P2RY8: variants seen among roughly 807,000 people sequenced by gnomAD.
P2RY8 encodes the protein S-geranylgeranyl-glutathione receptor P2RY8.
Under a neutral mutation model 10.0 loss-of-function variants are expected in P2RY8, and 6 were observed. The observed-to-expected ratio is 0.60, with a 90% CI of 0.33 to 1.19. P2RY8 has a LOEUF of 1.19. P2RY8 is among the 50% of genes most tolerant of loss of function. The pLI, the probability that P2RY8 is intolerant of heterozygous loss-of-function variation, is 0.04. For missense variants in P2RY8, 456 were observed against 542.0 expected (o/e 0.84, Z 1.58); for synonymous variants, 276 against 252.5 (o/e 1.09, Z -0.88).
intron 1 of P2RY8, among the ~76,000 whole-genome samples, chrX:1,522,769 C>T (rs1347761308): frequency 6.6e-6 from 1 of 151,186 alleles, no homozygotes; most frequent in Non-Finnish European, 1.5e-5. Flanking sequence ...AGACTCTGCC[C>T]CTAAAAATAA....
At chrX:1,466,955 A>G (rs774772997) in intron 1 of P2RY8, among the ~76,000 whole-genome samples, 1 of 114,584 alleles carries the variant, frequency 8.7e-6, no homozygotes, top group East Asian at 2.7e-4. Context: ...GGCCCACGTC[A>G]GAGGCTGAGA....
intron 1 of P2RY8, among the ~76,000 whole-genome samples, chrX:1,499,315 G>GC (rs1347132213): frequency 6.6e-6 from 1 of 151,492 alleles, no homozygotes; most frequent in Non-Finnish European, 1.5e-5. Flanking sequence ...CGAGGTGTGT[G>GC]CCACCACGCC....
chrX:1,507,510 C>T lies in P2RY8; in HGVS notation c.-25+29411G>A, dbSNP rs189007944. On this transcript the variant is annotated intron_variant, in intron 1 of 1. Transcript: ENST00000381297. ...AGCTGTCGCTCATATCCCCGGTGACCGCCGACGGTGGTTCGGAGCTGGGGT... is the reference window on the plus strand; with the variant it reads ...AGCTGTCGCTCATATCCCCGGTGACTGCCGACGGTGGTTCGGAGCTGGGGT... Among the ~76,000 whole-genome samples, 291 of 152,260 alleles carry T rather than the reference C, an allele frequency of 1.9e-3. 2 individuals carry two copies. Among genetic ancestry groups the T allele is most frequent in the African/African-American group, 6.8e-3 (281 of 41,542 alleles).
chrX:1,493,421 GA>G (rs776831701), intron 1 of P2RY8, among the ~76,000 whole-genome samples: 15,649 of 48,038 alleles, frequency 0.33, 2,188 homozygotes, highest in Non-Finnish European at 0.42. Context: ...GAGGAAGGAG[GA>G]AGGAGGAGGG....
At chrX:1,489,253 G>A (rs1368002594) in intron 1 of P2RY8, among the ~76,000 whole-genome samples, 6 of 152,040 alleles carry the variant, frequency 3.9e-5, no homozygotes, top group African/African-American at 1.5e-4. Context: ...CAAATGTGGA[G>A]GGAATGAATG....
intron 1 of P2RY8, among the ~76,000 whole-genome samples, chrX:1,524,644 T>TGC (rs1322943773): frequency 6.8e-5 from 3 of 43,806 alleles, no homozygotes; most frequent in Non-Finnish European, 9.2e-5. Context: ...CATCCATCCA[T>TGC]ACATCCATCC....
At chrX:1,500,150 G>A (rs1476307382) in intron 1 of P2RY8, among the ~76,000 whole-genome samples, 1 of 151,858 alleles carries the variant, frequency 6.6e-6, no homozygotes, top group African/African-American at 2.4e-5. Flanking sequence ...GAGCCACCGC[G>A]CCCGGCCTGT....
Position 1,465,699 on chromosome X carries a change from C to G in P2RY8, c.860G>C (p.Cys287Ser). ...LTLCLSCLNNCLDPFVYYFAS... is the reference protein window; with the variant it reads ...LTLCLSCLNNSLDPFVYYFAS... ...AAAGTAATAAACAAACGGGTCCAGA[C>G]AGTTGTTGAGGCAGCTGAGACACAG... The change falls in exon 2 of 2, where the codon TGT becomes TCT. Residue 287 changes from cysteine to serine, a missense_variant. Transcript: ENST00000381297. 6.2e-7 allele frequency: 1 copy of G among 1,613,760 alleles called. No individual in the cohort carries two copies. Among genetic ancestry groups the G allele is most frequent in the Non-Finnish European group, 8.5e-7 (1 of 1,179,856 alleles).
At chrX:1,484,456 G>T (rs2091968000) in intron 1 of P2RY8, among the ~76,000 whole-genome samples, 1 of 152,092 alleles carries the variant, frequency 6.6e-6, no homozygotes, top group Admixed American at 6.6e-5. Context: ...GCCGGGCGCG[G>T]TGGCTCACGC....
chrX:1,482,873 C>T (rs1330244966), intron 1 of P2RY8, among the ~76,000 whole-genome samples: 8 of 150,290 alleles, frequency 5.3e-5, no homozygotes, highest in African/African-American at 2.0e-4. Flanking sequence ...TGTTCTCACT[C>T]ATAGGTGGGA....
chrX:1,536,216 C>A (rs1228433137), intron 1 of P2RY8, among the ~76,000 whole-genome samples: 2 of 152,090 alleles, frequency 1.3e-5, no homozygotes, highest in African/African-American at 4.8e-5. Flanking sequence ...TGCTTACCCT[C>A]TCTAAGGTTA....
intron 1 of P2RY8, among the ~76,000 whole-genome samples, chrX:1,496,482 T>A (rs749014403): frequency 8.5e-5 from 13 of 152,180 alleles, no homozygotes; most frequent in African/African-American, 3.1e-4. Flanking sequence ...TCTCTCTCTC[T>A]CCGCTCAGTT....
At chrX:1,491,983 C>T (rs4578148) in intron 1 of P2RY8, among the ~76,000 whole-genome samples, 71,758 of 151,916 alleles carry the variant, frequency 0.47, 17,252 homozygotes, top group East Asian at 0.6. Flanking sequence ...GTTAGCCCCA[C>T]CGCCTCCCTC....
At chrX:1,482,033 G>A (rs2091941046) in intron 1 of P2RY8, among the ~76,000 whole-genome samples, 1 of 152,214 alleles carries the variant, frequency 6.6e-6, no homozygotes. Context: ...AAAGGCAGCG[G>A]CCGCGTTTCT....
At chrX:1,501,336 G>A (rs1325718093) in intron 1 of P2RY8, among the ~76,000 whole-genome samples, 4 of 152,220 alleles carry the variant, frequency 2.6e-5, no homozygotes, top group East Asian at 1.9e-4. Flanking sequence ...TTTCTGATGC[G>A]TTTTCATTTT....
At position 1,466,162 on chromosome X, in the gene P2RY8, G is replaced by C. The variant is rs1462453684; in HGVS notation, c.397C>G (p.Arg133Gly). The part of the protein sequence containing the change: ...LGVLYPLSSK[R>G]WRRRRYAVAA... The stretch of plus-strand genomic sequence containing the variant: ...ACCGCGTAACGACGGCGGCGCCAGC[G>C]CTTGGAGCTGAGCGGGTACAGGACC... The change falls in exon 2 of 2, where the codon CGC becomes GGC. Residue 133 changes from arginine (R) to glycine (G), a missense_variant. Coordinates refer to ENST00000381297, the MANE Select transcript of P2RY8 (RefSeq NM_178129.5). 6 of 1,611,994 alleles carry C rather than the reference G, an allele frequency of 3.7e-6. No homozygotes were observed. Among genetic ancestry groups the C allele is most frequent in the Non-Finnish European group, 5.1e-6 (6 of 1,179,290 alleles).
At chrX:1,496,061 T>G (rs5989760) in intron 1 of P2RY8, among the ~76,000 whole-genome samples, 1 of 151,968 alleles carries the variant, frequency 6.6e-6, no homozygotes, top group Non-Finnish European at 1.5e-5. Flanking sequence ...TGTCTGTTGT[T>G]TACAGTCCAC....
chrX:1,511,924 G>C (rs2149403849), intron 1 of P2RY8, among the ~76,000 whole-genome samples: 1 of 152,288 alleles, frequency 6.6e-6, no homozygotes, highest in South Asian at 2.1e-4. Context: ...CAATGGCCAG[G>C]TGTGTCCTTC....
At position 1,536,991 on chromosome X, in the gene P2RY8, T is replaced by G. The variant is rs1325340252; in HGVS notation, c.-95A>C. 4.3e-6 allele frequency: 1 copy of G among 231,774 alleles called. No homozygotes were observed. The highest frequency in any genetic ancestry group is 8.5e-6 in the Non-Finnish European group (1 of 117,306). The allele number at this position is 231,774 out of a possible 1,614,324, so 14.4% of individuals were successfully genotyped here. On this transcript the variant is annotated 5_prime_UTR_variant, in exon 1 of 2. Coordinates refer to ENST00000381297, the MANE Select transcript of P2RY8 (RefSeq NM_178129.5). ...TCTCCAGGTAACAGGATGCAACGCT[T>G]AAGTCGACGGCCGTGCCTCAGAGCC...
Sources: allele counts gnomAD v4.1 joint callset (sites outside exome capture counted in the v4.1 genomes callset), GRCh38; gene constraint gnomAD v4.1.1; transcripts MANE v1.5; gene names NCBI Gene and HGNC (gene_info 2026-07-23, HGNC 2026-07-21).